ADGRD1: variants seen among roughly 807,000 people sequenced by gnomAD.
The protein encoded by ADGRD1 is G-protein coupled receptor 133.
Under a neutral mutation model 113.4 loss-of-function variants are expected in ADGRD1, and 77 were observed. That is an observed-to-expected ratio of 0.68 (90% CI 0.57 to 0.82). The LOEUF (loss-of-function observed/expected upper bound fraction) is 0.82, where lower values mean the gene tolerates loss of function less well. Ranked by LOEUF, ADGRD1 falls within the 40% of genes least tolerant of loss-of-function variation. The pLI, the probability that ADGRD1 is intolerant of heterozygous loss-of-function variation, is 0.00. For missense variants in ADGRD1, 1,036 were observed against 1,139.1 expected, an observed-to-expected ratio of 0.91 and a Z score of 1.30; for synonymous variants, 474 against 475.0, an observed-to-expected ratio of 1.00 and a Z score of 0.03.
chr12:131,087,459 A>G (rs1416353439), intron 15 of ADGRD1, among the ~76,000 whole-genome samples: 1 of 152,314 alleles, frequency 6.6e-6, no homozygotes, highest in East Asian at 1.9e-4. Flanking sequence ...GGGTCCCCCA[A>G]GAAGGGCCGG....
In ADGRD1 at chr12:130,966,868, C is replaced by T. The variant is rs977844881; in HGVS notation, c.187+322C>T. ...GCTCCTGGCCTCAGCAATCCTCTGG[C>T]CTTGGCCTCCCAAAGTGCTGGAATT... On this transcript the variant is annotated intron_variant, in intron 3 of 24. Coordinates refer to ENST00000261654, the MANE Select transcript of ADGRD1 (RefSeq NM_198827.5). This position sits in a 1 kb window ranked among gnomAD's most constrained non-coding sequence, Gnocchi z 4.6. 9.4e-6 allele frequency: 4 copies of T among 426,710 alleles called. No homozygotes were observed. The highest frequency in any genetic ancestry group is 4.0e-5 in the African/African-American group (2 of 50,212). 26.4% of individuals were successfully genotyped at this position (426,710 alleles called of 1,614,324 possible).
At chr12:130,993,372 T>TTTCATTCATTCATTCATTCATTCATTCA (rs55716628) in intron 8 of ADGRD1, among the ~76,000 whole-genome samples, 2 of 141,020 alleles carry the variant, frequency 1.4e-5, no homozygotes, top group Non-Finnish European at 3.0e-5. Context: ...ACTTCTCAGA[T>TTTCATTCATTCATTCATTCATTCATTCA]TTCATTCATT....
chr12:131,108,887 G>A lies in ADGRD1; in HGVS notation c.2041+10G>A, dbSNP rs987993548. 1.3e-5 allele frequency: 20 copies of A among 1,527,548 alleles called. No homozygotes were observed. Among genetic ancestry groups the A allele is most frequent in the South Asian group, 2.3e-5 (2 of 87,434 alleles). The allele number at this position is 1,527,548 out of a possible 1,614,324, so 94.6% of individuals were successfully genotyped here. On this transcript the variant is annotated intron_variant, in intron 18 of 24. Coordinates refer to ENST00000261654, the MANE Select transcript of ADGRD1 (RefSeq NM_198827.5). ...TATGGGATGGGATGGGGTAGGTGGG[G>A]CAGGGCAGGTGGGATGGCGGGGCGG...
intron 9 of ADGRD1, among the ~76,000 whole-genome samples, chr12:131,001,806 G>A (rs905066255): frequency 6.6e-6 from 1 of 152,184 alleles, no homozygotes; most frequent in African/African-American, 2.4e-5. Flanking sequence ...TGGCCCAGAA[G>A]GGTCCCAACC....
At chr12:130,970,690 C>T (rs1033896902) in intron 3 of ADGRD1, 1 of 152,250 alleles carries the variant, frequency 6.6e-6, no homozygotes, top group African/African-American at 2.4e-5. Flanking sequence ...ACAGTCTTCA[C>T]TTATTTATTC....
Position 130,954,708 on chromosome 12 carries a change from G to C in ADGRD1, c.103+48G>C, listed in dbSNP as rs758554549. 6.4e-7 allele frequency: 1 copy of C among 1,556,966 alleles called. No individual in the cohort carries two copies. The highest frequency in any genetic ancestry group is 8.9e-7 in the Non-Finnish European group (1 of 1,129,430). The stretch of plus-strand genomic sequence containing the variant: ...CTGAGCACCGCTCTCCCCCTGCCTA[G>C]TGCAGGTATCTCAGGAACAGCCCAC... On this transcript the variant is annotated intron_variant, in intron 2 of 24. Coordinates refer to ENST00000261654, the MANE Select transcript of ADGRD1 (RefSeq NM_198827.5). This position sits in a 1 kb window ranked among gnomAD's most constrained non-coding sequence, Gnocchi z 4.7.
intron 2 of ADGRD1, among the ~76,000 whole-genome samples, chr12:130,964,568 C>T (rs1054576411): frequency 1.3e-5 from 2 of 152,030 alleles, no homozygotes; most frequent in African/African-American, 4.8e-5. Flanking sequence ...GCCTGTAATC[C>T]CAGCTACTTG....
At chr12:131,132,522 T>A (rs1417559543) in intron 21 of ADGRD1, among the ~76,000 whole-genome samples, 2 of 96,606 alleles carry the variant, frequency 2.1e-5, no homozygotes, top group Non-Finnish European at 5.9e-5. Flanking sequence ...CTTTGGCAGT[T>A]GCAGCACCGG....
In ADGRD1 at chr12:131,060,005, T is replaced by A. The variant is rs1021628812; in HGVS notation, c.1474-16796T>A. Among the ~76,000 whole-genome samples, 1 of 152,256 alleles carries A rather than the reference T, an allele frequency of 6.6e-6. No individual in the cohort carries two copies. Among genetic ancestry groups the A allele is most frequent in the Non-Finnish European group, 1.5e-5 (1 of 68,046 alleles). ...ACACTCTGGATCTTATTTAAATCTG[T>A]TTTAGCAGTCCTTCTCTGATACCCA... On this transcript the variant is annotated intron_variant, in intron 13 of 24. Coordinates refer to ENST00000261654, the MANE Select transcript of ADGRD1 (RefSeq NM_198827.5). The surrounding 1 kb of genome is among the most constrained non-coding windows in gnomAD (Gnocchi z 4.4).
chr12:131,076,626 A>G (rs1885636573), intron 13 of ADGRD1, 175 bp from the exon 14 acceptor site: 6 of 650,584 alleles, frequency 9.2e-6, no homozygotes, highest in Non-Finnish European at 1.7e-5. Flanking sequence ...GGGCAGCATG[A>G]CCTGGGCCAG....
At chr12:131,002,749 C>A (rs768231660) in intron 9 of ADGRD1, 1 of 1,257,968 alleles carries the variant, frequency 7.9e-7, no homozygotes, top group Non-Finnish European at 1.0e-6. Context: ...AAGCAGCCAC[C>A]CTTCATGGAG....
At chr12:130,959,320 C>A (rs571401441) in intron 2 of ADGRD1, among the ~76,000 whole-genome samples, 2 of 152,190 alleles carry the variant, frequency 1.3e-5, no homozygotes, top group East Asian at 3.9e-4. Flanking sequence ...TCCTGGAATC[C>A]CAGCACTTTG....
intron 18 of ADGRD1, among the ~76,000 whole-genome samples, chr12:131,109,807 T>A (rs1409036772): frequency 6.6e-6 from 1 of 152,238 alleles, no homozygotes; most frequent in Non-Finnish European, 1.5e-5. Flanking sequence ...CTAGTTGTTC[T>A]GTCCATTACT....
intron 20 of ADGRD1, among the ~76,000 whole-genome samples, chr12:131,124,842 G>A (rs971646473): frequency 6.6e-6 from 1 of 152,162 alleles, no homozygotes; most frequent in South Asian, 2.1e-4. Flanking sequence ...CACAAAATGC[G>A]AACATGGCCA....
At position 131,136,112 on chromosome 12, in the gene ADGRD1, C is replaced by T. The variant is rs897202909; in HGVS notation, c.2343C>T (p.Asn781=). The part of the protein sequence containing the change: ...TSWVFGVLAV[N]GCAVVFQYMF... ...GGGTCTTTGGCGTGCTTGCTGTCAACGGTTGTGCTGTGGTTTTCCAGTACA... is the reference window on the plus strand; with the variant it reads ...GGGTCTTTGGCGTGCTTGCTGTCAATGGTTGTGCTGTGGTTTTCCAGTACA... Residue 781 remains asparagine, a synonymous_variant, in exon 22 of 25, where the codon AAC becomes AAT. Transcript: ENST00000261654. 2.3e-5 allele frequency: 37 copies of T among 1,614,068 alleles called. No individual in the cohort carries two copies. Among genetic ancestry groups the T allele is most frequent in the Non-Finnish European group, 3.1e-5 (36 of 1,180,032 alleles).
At chr12:131,124,641 C>T (rs541835582) in intron 20 of ADGRD1, among the ~76,000 whole-genome samples, 17 of 152,116 alleles carry the variant, frequency 1.1e-4, no homozygotes, top group African/African-American at 3.9e-4. Context: ...CCCCACCAGG[C>T]GTCTACAGCC....
At chr12:131,009,223 G>A (rs945333678) in intron 12 of ADGRD1, among the ~76,000 whole-genome samples, 5 of 152,238 alleles carry the variant, frequency 3.3e-5, no homozygotes, top group East Asian at 1.9e-4. Flanking sequence ...GCCTCCTGTG[G>A]CATACTCCTG....
chr12:130,980,875 T>G (rs1392515719), intron 4 of ADGRD1: 2 of 152,282 alleles, frequency 1.3e-5, no homozygotes, highest in Non-Finnish European at 2.9e-5. Context: ...ATGTCCTATC[T>G]GCTGCTGGTG....
At position 130,968,754 on chromosome 12, in the gene ADGRD1, C is replaced by T. The variant is rs1871286937; in HGVS notation, c.187+2208C>T. On this transcript the variant is annotated intron_variant, in intron 3 of 24. Coordinates refer to ENST00000261654, the MANE Select transcript of ADGRD1 (RefSeq NM_198827.5). ...GGCCAAATTCAGCAGCCATCACGCC[C>T]TGGTGTGGGAACTGAGTGGGGCCAC... 5 of 543,704 alleles carry T rather than the reference C, an allele frequency of 9.2e-6. No individual in the cohort carries two copies. In the South Asian group the frequency reaches 1.2e-4, roughly 13 times the overall value. 33.7% of individuals were successfully genotyped at this position (543,704 alleles called of 1,614,324 possible). A position where few individuals can be genotyped will look rare whatever the true frequency, so the allele number is the denominator to read the frequency against.
Sources: allele counts gnomAD v4.1 joint callset (sites outside exome capture counted in the v4.1 genomes callset), GRCh38; gene constraint gnomAD v4.1.1; non-coding constraint Gnocchi (gnomAD v3.1); transcripts MANE v1.5; gene names NCBI Gene and HGNC (gene_info 2026-07-23, HGNC 2026-07-21).